The following CACNG2 variants were observed in gnomAD, a reference collection of about 807,000 sequenced individuals.
The protein encoded by CACNG2 is calcium voltage-gated channel auxiliary subunit gamma 2.
In CACNG2, 3 loss-of-function variants were observed where a neutral mutation model predicts 25.9. The observed-to-expected ratio is 0.12, with a 90% CI of 0.05 to 0.30. The LOEUF is 0.30. Among genes scored for constraint, CACNG2 ranks in the 10% least tolerant of loss-of-function variants. The pLI is 1.00. For synonymous variants in CACNG2, 167 were observed against 173.3 expected (o/e 0.96, Z 0.29); for missense variants, 341 against 432.5 (o/e 0.79, Z 1.88).
At chr22:36,647,586 A>G (rs963635022) in intron 1 of CACNG2, among the ~76,000 whole-genome samples, 4 of 145,718 alleles carry the variant, frequency 2.7e-5, no homozygotes, top group African/African-American at 1.1e-4. Context: ...ACAGAGCAAA[A>G]ACTCCATATC....
intron 1 of CACNG2, among the ~76,000 whole-genome samples, chr22:36,675,106 G>A (rs568637666): frequency 6.6e-6 from 1 of 152,092 alleles, no homozygotes; most frequent in Non-Finnish European, 1.5e-5. Flanking sequence ...TTGTGATCAC[G>A]GCTCACTGCA....
chr22:36,589,147 T>C (rs1807732), intron 1 of CACNG2, among the ~76,000 whole-genome samples: 32,889 of 151,908 alleles, frequency 0.22, 4,388 homozygotes, highest in Admixed American at 0.29. Context: ...CATACCAACA[T>C]GCCCAGCTAA....
At chr22:36,689,333 T>C (rs1055993220) in intron 1 of CACNG2, among the ~76,000 whole-genome samples, 4 of 152,134 alleles carry the variant, frequency 2.6e-5, no homozygotes, top group Non-Finnish European at 1.5e-5. Flanking sequence ...CTCATGGAAC[T>C]CACATTCCAA....
chr22:36,659,222 G>A lies in CACNG2; in HGVS notation c.211+43144C>T, dbSNP rs567145426. 5.9e-5 allele frequency among the ~76,000 whole-genome samples: 9 copies of A among 152,242 alleles called. No individual in the cohort carries two copies. The South Asian group carries it at 1.9e-3, about 32-fold the overall frequency. ...GGGTGGGGGCTCTGTCCTCTTGTGG[G>A]TGAGGGCCTGGGCAGCAACTTGTCT... On this transcript the variant is annotated intron_variant, in intron 1 of 3. Transcript: ENST00000300105.
At chr22:36,667,721 C>T (rs1936893822) in intron 1 of CACNG2, among the ~76,000 whole-genome samples, 1 of 152,140 alleles carries the variant, frequency 6.6e-6, no homozygotes, top group Admixed American at 6.5e-5. Context: ...GCCTTCATGT[C>T]GCCTCTGAAC....
chr22:36,588,545 G>A (rs1171309157), intron 1 of CACNG2, among the ~76,000 whole-genome samples: 1 of 152,214 alleles, frequency 6.6e-6, no homozygotes, highest in East Asian at 1.9e-4. Context: ...CACAGTGAAT[G>A]TCCTTTAACC....
chr22:36,566,531 A>G (rs772158704), intron 2 of CACNG2, 38 bp from the exon 3 acceptor site: 13 of 1,612,638 alleles, frequency 8.1e-6, no homozygotes, highest in Non-Finnish European at 8.5e-7. Context: ...AGAGAACGGC[A>G]TGGCTGTGAG....
At chr22:36,624,698 A>T (rs1206898779) in intron 1 of CACNG2, among the ~76,000 whole-genome samples, 1 of 152,030 alleles carries the variant, frequency 6.6e-6, no homozygotes, top group Admixed American at 6.6e-5. Context: ...CAGGGCCTGG[A>T]TTCTGTGACT....
intron 1 of CACNG2, among the ~76,000 whole-genome samples, chr22:36,614,192 T>C (rs1488687690): frequency 1.3e-5 from 2 of 152,130 alleles, no homozygotes; most frequent in African/African-American, 4.8e-5. Context: ...AGAAACTACA[T>C]CCTGTTGTAA....
intron 3 of CACNG2, among the ~76,000 whole-genome samples, chr22:36,566,096 C>T (rs954110498): frequency 6.6e-6 from 1 of 152,210 alleles, no homozygotes; most frequent in Non-Finnish European, 1.5e-5. Context: ...TGAGAGGAAG[C>T]GGGCATTTGG....
chr22:36,653,772 C>T (rs540256396), intron 1 of CACNG2, among the ~76,000 whole-genome samples: 130 of 152,208 alleles, frequency 8.5e-4, no homozygotes, highest in African/African-American at 3.0e-3. Flanking sequence ...GCCTGTGGGA[C>T]CTTCAGGACC....
At chr22:36,699,237 TCACACACACA>T (rs3076293) in intron 1 of CACNG2, among the ~76,000 whole-genome samples, 23 of 141,904 alleles carry the variant, frequency 1.6e-4, no homozygotes, top group East Asian at 8.4e-4. Context: ...GATTTCAAGT[TCACACACACA>T]CACACACACA....
At chr22:36,686,242 A>T (rs1256120765) in intron 1 of CACNG2, among the ~76,000 whole-genome samples, 1 of 152,188 alleles carries the variant, frequency 6.6e-6, no homozygotes, top group Non-Finnish European at 1.5e-5. Context: ...GGGCATACCA[A>T]GACAACAGCA....
intron 1 of CACNG2, among the ~76,000 whole-genome samples, chr22:36,614,326 T>C (rs549333338): frequency 1.3e-5 from 2 of 152,204 alleles, no homozygotes; most frequent in Non-Finnish European, 2.9e-5. Context: ...TCCCTATTGA[T>C]GCCTTAGTGC....
At chr22:36,696,917 C>A (rs920458688) in intron 1 of CACNG2, among the ~76,000 whole-genome samples, 1 of 152,124 alleles carries the variant, frequency 6.6e-6, no homozygotes, top group African/African-American at 2.4e-5. Context: ...CCAGATCACA[C>A]AAGGCTGCAG....
intron 1 of CACNG2, among the ~76,000 whole-genome samples, chr22:36,599,722 TCTTGAGATAGGGTAGGGCA>T (rs1219958123): frequency 6.6e-6 from 1 of 152,120 alleles, no homozygotes; most frequent in African/African-American, 2.4e-5. Context: ...AAGAATGTTT[TCTTGAGATAGGGTAGGGCA>T]CACAACTGCT....
intron 1 of CACNG2, among the ~76,000 whole-genome samples, chr22:36,612,171 G>A (rs1935951821): frequency 6.6e-6 from 1 of 152,082 alleles, no homozygotes; most frequent in Non-Finnish European, 1.5e-5. Context: ...CAAATCTCAG[G>A]GCTGCCACTT....
intron 1 of CACNG2, among the ~76,000 whole-genome samples, chr22:36,670,032 T>C (rs961751971): frequency 2.0e-5 from 3 of 152,212 alleles, no homozygotes; most frequent in Admixed American, 6.5e-5. Context: ...ATTTAGATTA[T>C]GAATGATTTG....
intron 1 of CACNG2, among the ~76,000 whole-genome samples, chr22:36,615,577 C>T (rs1936009702): frequency 6.6e-6 from 1 of 152,262 alleles, no homozygotes; most frequent in Non-Finnish European, 1.5e-5. Context: ...GTTCCCCCAG[C>T]TGGGTTAATT....
Sources: gnomAD v4.1 joint callset for allele counts (sites outside exome capture counted in the v4.1 genomes callset) on GRCh38, gnomAD v4.1.1 for gene constraint, MANE v1.5 for transcripts, NCBI Gene and HGNC (gene_info 2026-07-23, HGNC 2026-07-21) for gene names.